Variants in MORN1 observed in about 807,000 individuals in gnomAD.
The protein encoded by MORN1 is MORN repeat containing 1.
A neutral mutation model predicts 61.9 loss-of-function variants in MORN1; 67 were observed. That is an observed-to-expected ratio of 1.08 (90% CI 0.89 to 1.33). The LOEUF (loss-of-function observed/expected upper bound fraction) is 1.33, where lower values mean the gene tolerates loss of function less well. Among genes scored for constraint, MORN1 ranks in the 40% most tolerant of loss-of-function variants. The pLI, the probability that MORN1 is intolerant of heterozygous loss-of-function variation, is 0.00. For missense variants in MORN1, 752 were observed against 691.2 expected (o/e 1.09, Z -0.99); for synonymous variants, 301 against 292.0 (o/e 1.03, Z -0.31).
rs1641234629 is a variant in MORN1 at position 2,334,979 on chromosome 1, A to G, written c.1250+1490T>C. Among the ~76,000 whole-genome samples the G allele has an allele frequency of 6.6e-6, 1 of 152,214 alleles. No homozygotes were observed. The highest frequency in any genetic ancestry group is 2.4e-5 in the African/African-American group (1 of 41,452). ...ATGTCTCGGCTTTTGGCTCTCGCAG[A>G]CGCTCCTGAGGCCGAGTCACTGGGC... On this transcript the variant is annotated intron_variant, in intron 12 of 13. Transcript: ENST00000378531. The surrounding 1 kb of genome is among the most constrained non-coding windows in gnomAD (Gnocchi z 5.4).
At chr1:2,381,606 T>G (rs922487111) in intron 6 of MORN1, among the ~76,000 whole-genome samples, 12 of 152,276 alleles carry the variant, frequency 7.9e-5, no homozygotes, top group Non-Finnish European at 1.8e-4. Flanking sequence ...GAGGTCATGT[T>G]ATAACCCCAG....
rs2100337925 is a variant in MORN1, at chr1:2,372,472, G to C, written c.745+9C>G. 1 of 1,606,796 alleles carries C rather than the reference G, an allele frequency of 6.2e-7. No individual in the cohort carries two copies. The highest frequency in any genetic ancestry group is 8.5e-7 in the Non-Finnish European group (1 of 1,175,162). ...AAACGTTAGGTCATCTCCCCCTGGA[G>C]ATGCTTACTCTTGGCAATTTCCCCG... On this transcript the variant is annotated intron_variant, in intron 8 of 13. Coordinates refer to ENST00000378531, the MANE Select transcript of MORN1 (RefSeq NM_024848.3). This position sits in a 1 kb window ranked among gnomAD's most constrained non-coding sequence, Gnocchi z 5.4.
chr1:2,374,605 T>G, intron 6 of MORN1, 48 bp from the exon 7 acceptor site: 1 of 1,521,372 alleles, frequency 6.6e-7, no homozygotes, highest in African/African-American at 1.4e-5. Context: ...CAAGGGGCTT[T>G]TGTGGGTCCC....
chr1:2,339,916 G>C (rs1285077632), intron 10 of MORN1, among the ~76,000 whole-genome samples: 1 of 152,258 alleles, frequency 6.6e-6, no homozygotes, highest in Non-Finnish European at 1.5e-5. Flanking sequence ...GTGGAGCACG[G>C]CTTGGAATCC....
intron 12 of MORN1, among the ~76,000 whole-genome samples, chr1:2,328,145 C>A (rs576819978): frequency 1.3e-5 from 2 of 152,270 alleles, no homozygotes; most frequent in South Asian, 4.1e-4. Flanking sequence ...CCTTTGCTGT[C>A]CTCAGTCTTC....
intron 10 of MORN1, among the ~76,000 whole-genome samples, chr1:2,345,442 G>A (rs72920966): frequency 0.11 from 16,849 of 152,272 alleles, 2,639 homozygotes; most frequent in African/African-American, 0.35. Flanking sequence ...TCCTTGGAGA[G>A]CCTCGGGCTC....
Position 2,325,105 on chromosome 1 carries a change from T to TTTCC in MORN1, c.1251-966_1251-963dup, listed in dbSNP as rs1250981953. Among the ~76,000 whole-genome samples the TTTCC allele has an allele frequency of 1.7e-4, 6 of 35,258 alleles. No individual in the cohort carries two copies. The East Asian group carries it at 6.1e-3, about 36-fold the overall frequency. The allele number at this position is 35,258 out of a possible 152,430, so 23.1% of individuals were successfully genotyped here. A position where few individuals can be genotyped will look rare whatever the true frequency, so the allele number is the denominator to read the frequency against. The stretch of plus-strand genomic sequence containing the variant: ...ATCTTACTTTCTTCTTTCTCTCCCC[T>TTTCC]TTCCTTCCCTTCCTTCCCTTCCTTC... On this transcript the variant is annotated intron_variant, in intron 12 of 13. Coordinates refer to ENST00000378531, the MANE Select transcript of MORN1 (RefSeq NM_024848.3).
At chr1:2,359,477 T>C (rs1293585512) in intron 8 of MORN1, among the ~76,000 whole-genome samples, 1 of 152,162 alleles carries the variant, frequency 6.6e-6, no homozygotes, top group African/African-American at 2.4e-5. Context: ...GTGGCGGAGC[T>C]GGGTGTTCAG....
intron 8 of MORN1, among the ~76,000 whole-genome samples, chr1:2,365,321 C>T (rs527462030): frequency 2.7e-5 from 4 of 145,696 alleles, no homozygotes; most frequent in African/African-American, 5.0e-5. Flanking sequence ...CTCTTTGAAG[C>T]AATTGTGAAT....
chr1:2,385,403 C>T, intron 5 of MORN1: 1 of 432,822 alleles, frequency 2.3e-6, no homozygotes, highest in Admixed American at 4.0e-5. Context: ...TGGGAATTTC[C>T]ACACGGGCTG....
Position 2,321,411 on chromosome 1 carries a change from C to T in MORN1, c.1466G>A (p.Cys489Tyr). Reference sequence around the variant, plus strand: ...CCGAGGCGCTGGCGGCTCTGGGGTGCAGCTGTGGGCGGCCTGCCAGCTGCT... The same window carrying T: ...CCGAGGCGCTGGCGGCTCTGGGGTGTAGCTGTGGGCGGCCTGCCAGCTGCT... ...ASSSWQAAHSCTPEPPAPR is the reference protein window; with the variant it reads ...ASSSWQAAHSYTPEPPAPR Residue 489 changes from cysteine (C) to tyrosine (Y), a missense_variant, in exon 14 of 14, where the codon TGC becomes TAC. By Grantham distance (194) the Cys-to-Tyr change is radical. Transcript: ENST00000378531. The T allele has an allele frequency of 6.5e-7, 1 of 1,537,600 alleles. No homozygotes were observed. The highest frequency in any genetic ancestry group is 8.8e-7 in the Non-Finnish European group (1 of 1,141,106).
chr1:2,347,960 A>G (rs1641551591), intron 10 of MORN1, among the ~76,000 whole-genome samples: 1 of 152,200 alleles, frequency 6.6e-6, no homozygotes, highest in South Asian at 2.1e-4. Context: ...CAAACCGGGA[A>G]GTTTTTCGCC....
intron 6 of MORN1, among the ~76,000 whole-genome samples, chr1:2,382,563 G>A (rs1012878624): frequency 2.0e-5 from 3 of 152,180 alleles, no homozygotes; most frequent in East Asian, 1.9e-4. Context: ...GGGTGTGCTC[G>A]GGTGGGAAGG....
In MORN1 at chr1:2,326,635, C is replaced by G. The variant is rs115219649; in HGVS notation, c.1251-2492G>C. ...CTGGGACTGCACCTTCATGCGGGTG[C>G]TGGTCCCTCACTCCTGTCCCTCACG... On this transcript the variant is annotated intron_variant, in intron 12 of 13. Transcript: ENST00000378531. The G allele has an allele frequency of 2.9e-3, 443 of 152,466 alleles. 1 individual carries two copies. The highest frequency in any genetic ancestry group is 0.01 in the African/African-American group (421 of 41,582). The allele number at this position is 152,466 out of a possible 1,614,324, so 9.4% of individuals were successfully genotyped here.
chr1:2,346,675 C>T (rs764644291), intron 10 of MORN1, among the ~76,000 whole-genome samples: 13 of 152,324 alleles, frequency 8.5e-5, no homozygotes, highest in South Asian at 4.1e-4. Context: ...CGTGAGCCAC[C>T]GCGCCCACCC....
chr1:2,351,277 T>TA (rs35424701), intron 10 of MORN1: 13,702 of 152,884 alleles, frequency 0.09, 972 homozygotes, highest in Admixed American at 0.17. Context: ...GCGGCAGACT[T>TA]AGAGTCTCGT....
Position 2,372,430 on chromosome 1 carries a change from G to T in MORN1, c.745+51C>A. The T allele has an allele frequency of 7.1e-7, 1 of 1,411,650 alleles. No homozygotes were observed. Among genetic ancestry groups the T allele is most frequent in the Non-Finnish European group, 9.9e-7 (1 of 1,013,334 alleles). The allele number at this position is 1,411,650 out of a possible 1,614,324, so 87.4% of individuals were successfully genotyped here. On this transcript the variant is annotated intron_variant, in intron 8 of 13. Transcript: ENST00000378531. This position sits in a 1 kb window ranked among gnomAD's most constrained non-coding sequence, Gnocchi z 5.4. ...CATCTTCACTGCTTAAGAACCTGCT[G>T]CCTGTTTCTCTTTTGGAAACGTTAG...
At chr1:2,353,653 G>A (rs747160111) in intron 10 of MORN1, among the ~76,000 whole-genome samples, 5 of 152,248 alleles carry the variant, frequency 3.3e-5, no homozygotes, top group Non-Finnish European at 5.9e-5. Context: ...AAATGATTCC[G>A]TTTCCTCTGC....
At chr1:2,348,563 C>G (rs1170369434) in intron 10 of MORN1, among the ~76,000 whole-genome samples, 2 of 152,202 alleles carry the variant, frequency 1.3e-5, no homozygotes, top group African/African-American at 4.8e-5. Flanking sequence ...CCCACGGGCC[C>G]TGCCAGAGCC....
Sources: gnomAD v4.1 joint callset for allele counts (sites outside exome capture counted in the v4.1 genomes callset) on GRCh38, gnomAD v4.1.1 for gene constraint, Gnocchi (gnomAD v3.1) non-coding constraint, MANE v1.5 for transcripts, NCBI Gene and HGNC (gene_info 2026-07-23, HGNC 2026-07-21) for gene names.